The following ATP13A4 variants were observed in gnomAD, a reference collection of about 807,000 sequenced individuals.
ATP13A4 encodes ATPase 13A4.
A neutral mutation model predicts 142.5 loss-of-function variants in ATP13A4; 114 were observed. The ratio of observed to expected loss-of-function variants is 0.80; its 90% CI spans 0.69 to 0.93. The LOEUF is 0.93. ATP13A4 is among the 40% of genes least tolerant of loss of function. The pLI, the probability that ATP13A4 is intolerant of heterozygous loss-of-function variation, is 0.00. For missense variants in ATP13A4, 1,392 were observed against 1,454.0 expected (o/e 0.96, Z 0.69); for synonymous variants, 488 against 514.8 (o/e 0.95, Z 0.70).
intron 13 of ATP13A4, among the ~76,000 whole-genome samples, chr3:193,459,976 G>A (rs1576986379): frequency 6.6e-6 from 1 of 152,196 alleles, no homozygotes; most frequent in Non-Finnish European, 1.5e-5. Flanking sequence ...GTTAGTCACA[G>A]CCCCTTCTCA....
chr3:193,489,108 C>T (rs142873210), intron 7 of ATP13A4, among the ~76,000 whole-genome samples: 6 of 152,218 alleles, frequency 3.9e-5, no homozygotes, highest in Admixed American at 6.5e-5. Flanking sequence ...AGAAGATGGG[C>T]GTCTCAGACA....
In ATP13A4 at chr3:193,493,155, T is replaced by C. The variant is rs1720037017; in HGVS notation, c.387A>G (p.Arg129=). The C allele has an allele frequency of 1.9e-6, 3 of 1,612,524 alleles. No individual in the cohort carries two copies. The highest frequency in any genetic ancestry group is 2.2e-5 in the East Asian group (1 of 44,778). ...ATCTTATTTTCTGCACTTTGATGCATCTCACCTGCAAAAGAAAAGTACTAA... is the reference window on the plus strand; with the variant it reads ...ATCTTATTTTCTGCACTTTGATGCACCTCACCTGCAAAAGAAAAGTACTAA... ...RAIRKPDLKV[R]CIKVQKIRYV... Residue 129 remains arginine (R), a synonymous_variant, in exon 4 of 30, where the codon AGA becomes AGG. Transcript: ENST00000342695.
At chr3:193,407,007 C>A (rs184318298) in intron 29 of ATP13A4, among the ~76,000 whole-genome samples, 1 of 152,116 alleles carries the variant, frequency 6.6e-6, no homozygotes, top group Non-Finnish European at 1.5e-5. Flanking sequence ...TGTTATGGTG[C>A]GTGAATCATA....
At chr3:193,531,268 AAGTG>A (rs1370239442) in intron 1 of ATP13A4, among the ~76,000 whole-genome samples, 1 of 102,548 alleles carries the variant, frequency 9.8e-6, no homozygotes, top group Non-Finnish European at 2.1e-5. Context: ...AGGGCTCAAT[AAGTG>A]AGGGAGGGAG....
chr3:193,454,023 G>C, intron 17 of ATP13A4, 78 bp downstream of exon 17: 1 of 1,245,210 alleles, frequency 8.0e-7, no homozygotes, highest in South Asian at 1.2e-5. Flanking sequence ...GTCCATCCCA[G>C]TCTAATGCAC....
At chr3:193,430,111 C>T (rs1387702) in intron 25 of ATP13A4, among the ~76,000 whole-genome samples, 111,281 of 151,410 alleles carry the variant, frequency 0.73, 41,139 homozygotes, top group Admixed American at 0.77. Flanking sequence ...ATAAAAGCTG[C>T]TTCCAAATTC....
chr3:193,544,073 A>T (rs1271118171), intron 1 of ATP13A4, among the ~76,000 whole-genome samples: 1 of 152,148 alleles, frequency 6.6e-6, no homozygotes, highest in Non-Finnish European at 1.5e-5. Flanking sequence ...GGTCTGAAGG[A>T]GGTGACTAAT....
chr3:193,403,678 G>T, intron 29 of ATP13A4: 1 of 840,060 alleles, frequency 1.2e-6, no homozygotes, highest in Non-Finnish European at 1.4e-6. Flanking sequence ...TATTTCATGA[G>T]TTAGAGTGAG....
At chr3:193,433,492 G>C (rs1716091510) in intron 25 of ATP13A4, among the ~76,000 whole-genome samples, 1 of 152,056 alleles carries the variant, frequency 6.6e-6, no homozygotes, top group Admixed American at 6.6e-5. Flanking sequence ...AAGCCATTTG[G>C]CTCCTATAAA....
At chr3:193,464,349 C>T (rs2108642171) in intron 12 of ATP13A4, among the ~76,000 whole-genome samples, 1 of 152,244 alleles carries the variant, frequency 6.6e-6, no homozygotes, top group Non-Finnish European at 1.5e-5. Context: ...CCACCTTCAC[C>T]CCAGCATATG....
intron 17 of ATP13A4, among the ~76,000 whole-genome samples, chr3:193,451,792 C>T (rs1717295445): frequency 6.6e-6 from 1 of 152,106 alleles, no homozygotes; most frequent in African/African-American, 2.4e-5. Context: ...CCCTGAGTAA[C>T]CACACAGAAA....
At position 193,466,008 on chromosome 3, in the gene ATP13A4, G is replaced by C; in HGVS notation, c.1272+17C>G. On this transcript the variant is annotated intron_variant, in intron 11 of 29. Coordinates refer to ENST00000342695, the MANE Select transcript of ATP13A4 (RefSeq NM_032279.4). ...ATGAGTGTGTGTGCATTTAATAAAA[G>C]AGCAAAGACAGCTTACCCCACTAAG... 1.2e-6 allele frequency: 2 copies of C among 1,613,022 alleles called. No individual in the cohort carries two copies. The highest frequency in any genetic ancestry group is 2.2e-5 in the East Asian group (1 of 44,862).
intron 3 of ATP13A4, among the ~76,000 whole-genome samples, chr3:193,499,021 G>T (rs1274773034): frequency 6.6e-6 from 1 of 152,188 alleles, no homozygotes; most frequent in African/African-American, 2.4e-5. Flanking sequence ...CTAAGGTCTA[G>T]GTTACCAAAA....
rs879760660 is a variant in ATP13A4, at chr3:193,549,443, G to T, written c.60+5297C>A. Among the ~76,000 whole-genome samples the T allele has an allele frequency of 5.6e-3, 844 of 151,846 alleles. 3 individuals are homozygous for T. The highest frequency in any genetic ancestry group is 6.7e-3 in the Non-Finnish European group (453 of 67,950). On this transcript the variant is annotated intron_variant, in intron 1 of 29. Transcript: ENST00000342695. Reference sequence around the variant, plus strand: ...ATATATATATATATATAGAGAGAGAGAGAGAGAGAGAGAGATCCATAAAGC... The same window carrying T: ...ATATATATATATATATAGAGAGAGATAGAGAGAGAGAGAGATCCATAAAGC...
chr3:193,419,782 G>A lies in ATP13A4; in HGVS notation c.2843-5032C>T, dbSNP rs565306965. On this transcript the variant is annotated intron_variant, in intron 25 of 29. Transcript: ENST00000342695. ...AGCTTGACTAGCTGGACTAGAGTCT[G>A]AACTGCTGAGATACCTCCTTCCCAG... is the stretch of plus-strand genomic sequence containing the variant. Among the ~76,000 whole-genome samples, 32 of 150,216 alleles carry A rather than the reference G, an allele frequency of 2.1e-4. 1 individual carries two copies. In the East Asian group the frequency reaches 6.5e-3, roughly 30 times the overall value.
intron 7 of ATP13A4, among the ~76,000 whole-genome samples, chr3:193,485,995 A>G (rs952584925): frequency 6.6e-6 from 1 of 151,376 alleles, no homozygotes; most frequent in Non-Finnish European, 1.5e-5. Context: ...AATGTAAAAT[A>G]ATGCCATTCT....
At chr3:193,405,127 T>C (rs1030998361) in intron 29 of ATP13A4, among the ~76,000 whole-genome samples, 1 of 152,140 alleles carries the variant, frequency 6.6e-6, no homozygotes, top group Non-Finnish European at 1.5e-5. Context: ...AAGAAAGTGG[T>C]GGAGCCAGGA....
chr3:193,490,634 G>A (rs567062620), intron 6 of ATP13A4, among the ~76,000 whole-genome samples: 2 of 152,254 alleles, frequency 1.3e-5, no homozygotes, highest in South Asian at 4.1e-4. Context: ...CTCTAAAACA[G>A]GAATGGCAAA....
chr3:193,443,215 G>T (rs1211973123), intron 18 of ATP13A4, among the ~76,000 whole-genome samples: 2 of 152,152 alleles, frequency 1.3e-5, no homozygotes, highest in Non-Finnish European at 2.9e-5. Context: ...TAAAGGGCAT[G>T]GGCGGAATCC....
Sources: allele counts gnomAD v4.1 joint callset (sites outside exome capture counted in the v4.1 genomes callset), GRCh38; gene constraint gnomAD v4.1.1; transcripts MANE v1.5; gene names NCBI Gene and HGNC (gene_info 2026-07-23, HGNC 2026-07-21).